NDUFB5: variants seen among roughly 807,000 people sequenced by gnomAD.
The protein encoded by NDUFB5 is NADH dehydrogenase [ubiquinone] 1 beta subcomplex subunit 5, mitochondrial.
A neutral mutation model predicts 19.4 loss-of-function variants in NDUFB5; 19 were observed. The observed-to-expected ratio is 0.98, with a 90% CI of 0.68 to 1.43. NDUFB5 has a LOEUF of 1.43. Among genes scored for constraint, NDUFB5 ranks in the 40% most tolerant of loss-of-function variants. NDUFB5 has a pLI of 0.00. For missense variants in NDUFB5, 233 were observed against 236.5 expected (o/e 0.99, Z 0.10); for synonymous variants, 80 against 82.6 (o/e 0.97, Z 0.17).
intron 1 of NDUFB5, among the ~76,000 whole-genome samples, chr3:179,605,199 TAG>T (rs1161854709): frequency 6.6e-6 from 1 of 152,198 alleles, no homozygotes; most frequent in East Asian, 1.9e-4. Flanking sequence ...AAGCTGAGTC[TAG>T]AAAGGTATAG....
Position 179,617,052 on chromosome 3 carries a change from T to G in NDUFB5, c.342+8T>G, listed in dbSNP as rs997652139. On this transcript the variant is annotated splice_region_variant and intron_variant, in intron 4 of 5. Transcript: ENST00000259037. ...CACTGGGAATATTATAAGGTTTGTA[T>G]AGGACATTGACAATTACATACTGTT... 3 of 1,596,550 alleles carry G rather than the reference T, an allele frequency of 1.9e-6. No homozygotes were observed. Among genetic ancestry groups the G allele is most frequent in the Non-Finnish European group, 2.6e-6 (3 of 1,165,760 alleles).
At chr3:179,615,093 T>C (rs1719342216) in intron 2 of NDUFB5, 34 bp downstream of exon 2, 2 of 1,457,270 alleles carry the variant, frequency 1.4e-6, no homozygotes, top group Non-Finnish European at 1.9e-6. Flanking sequence ...TTAAAGTCTT[T>C]GCATGTAACA....
chr3:179,609,351 G>A (rs950571610), intron 1 of NDUFB5, among the ~76,000 whole-genome samples: 14 of 152,162 alleles, frequency 9.2e-5, no homozygotes, highest in East Asian at 1.9e-4. Context: ...GAGAAAATAC[G>A]AAGATAGAGT....
intron 3 of NDUFB5, among the ~76,000 whole-genome samples, chr3:179,616,612 G>C (rs1014109160): frequency 6.6e-5 from 10 of 151,996 alleles, no homozygotes; most frequent in Non-Finnish European, 1.5e-4. Flanking sequence ...TTAGATTTTC[G>C]TGGGAAATTT....
At chr3:179,621,811 A>C (rs1719545978) in intron 5 of NDUFB5, among the ~76,000 whole-genome samples, 1 of 151,882 alleles carries the variant, frequency 6.6e-6, no homozygotes, top group African/African-American at 2.4e-5. Flanking sequence ...ATTTAATATC[A>C]GTGTTTTAAT....
rs1327063181 is a variant in NDUFB5 at position 179,617,020 on chromosome 3, C to A, written c.318C>A (p.Val106=). The A allele has an allele frequency of 6.2e-7, 1 of 1,612,432 alleles. No homozygotes were observed. The highest frequency in any genetic ancestry group is 8.5e-7 in the Non-Finnish European group (1 of 1,178,836). ...AELAEIPEGY[V]PEHWEYYKHP... is the part of the protein sequence containing the mutation. Reference sequence around the variant, plus strand: ...TAGCAGAAATTCCAGAAGGCTATGTCCCAGAACACTGGGAATATTATAAGG... The same window carrying A: ...TAGCAGAAATTCCAGAAGGCTATGTACCAGAACACTGGGAATATTATAAGG... Residue 106 remains valine, a synonymous_variant, in exon 4 of 6, where the codon GTC becomes GTA. Transcript: ENST00000259037.
At chr3:179,614,927 C>T (rs1350023134) in intron 1 of NDUFB5, 44 bp from the exon 2 acceptor site, 1 of 1,275,196 alleles carries the variant, frequency 7.8e-7, no homozygotes, top group Admixed American at 1.8e-5. Context: ...TAACAGTATA[C>T]CCATATGAAC....
At chr3:179,607,271 A>G (rs542165785) in intron 1 of NDUFB5, among the ~76,000 whole-genome samples, 1 of 152,268 alleles carries the variant, frequency 6.6e-6, no homozygotes, top group East Asian at 1.9e-4. Flanking sequence ...AAAGCTTTTA[A>G]TCTCTTACAT....
chr3:179,617,109 T>A, intron 4 of NDUFB5, 65 bp downstream of exon 4: 1 of 1,216,930 alleles, frequency 8.2e-7, no homozygotes, highest in African/African-American at 1.5e-5. Flanking sequence ...GTTAATGTCT[T>A]AATTCAGCAA....
In NDUFB5 at chr3:179,625,566, TAGA is replaced by T. The variant is rs1288126555; in HGVS notation, c.*1529_*1531del. On this transcript the variant is annotated 3_prime_UTR_variant, in exon 6 of 6. Transcript: ENST00000259037. The stretch of plus-strand genomic sequence containing the variant: ...TATTTCAAAATAAGATATAGCAAGT[TAGA>T]AGTATATATAAGTATATTATTATAT... The T allele has an allele frequency of 2.0e-5, 3 of 152,200 alleles. No individual in the cohort carries two copies. The highest frequency in any genetic ancestry group is 2.1e-4 in the South Asian group (1 of 4,836). The allele number at this position is 152,200 out of a possible 1,614,324, so 9.4% of individuals were successfully genotyped here.
intron 1 of NDUFB5, among the ~76,000 whole-genome samples, chr3:179,610,648 ATCCT>A (rs1719216854): frequency 6.6e-6 from 1 of 152,070 alleles, no homozygotes. Flanking sequence ...CTATAGCCTC[ATCCT>A]TCCTAAAGAT....
At chr3:179,618,308 A>C (rs1719436024) in intron 4 of NDUFB5, 107 bp from the exon 5 acceptor site, 1 of 637,146 alleles carries the variant, frequency 1.6e-6, no homozygotes, top group African/African-American at 1.9e-5. Flanking sequence ...TACATAGTAG[A>C]TGTTACTGGT....
At chr3:179,618,600 G>A in intron 5 of NDUFB5, 79 bp downstream of exon 5, 1 of 927,636 alleles carries the variant, frequency 1.1e-6, no homozygotes, top group Non-Finnish European at 1.7e-6. Flanking sequence ...ATAAAACTAT[G>A]AATATTTCAG....
intron 3 of NDUFB5, among the ~76,000 whole-genome samples, chr3:179,616,370 G>A (rs753874913): frequency 1.3e-5 from 2 of 152,020 alleles, no homozygotes; most frequent in South Asian, 4.2e-4. Flanking sequence ...GTGAAACCCC[G>A]TCTCTACTAA....
intron 5 of NDUFB5, among the ~76,000 whole-genome samples, chr3:179,621,208 G>A (rs1719525297): frequency 6.6e-6 from 1 of 151,970 alleles, no homozygotes; most frequent in South Asian, 2.1e-4. Context: ...CTCCCTAGTA[G>A]CCAAGATTAC....
At chr3:179,621,496 CT>C (rs35414472) in intron 5 of NDUFB5, among the ~76,000 whole-genome samples, 201 of 130,536 alleles carry the variant, frequency 1.5e-3, no homozygotes, top group Non-Finnish European at 1.7e-3. Flanking sequence ...TTTTCTTTTT[CT>C]TTTTTTTTTT....
rs544085200 is a variant in NDUFB5, at chr3:179,613,023, G to A, written c.125-1948G>A. On this transcript the variant is annotated intron_variant, in intron 1 of 5. Transcript: ENST00000259037. The stretch of plus-strand genomic sequence containing the variant: ...AACTAAATTTCTGGGAGTTCCAGGC[G>A]GAACTTCCACTTACCTTATTATGTT... Among the ~76,000 whole-genome samples the A allele has an allele frequency of 4.3e-4, 66 of 152,188 alleles. 1 individual carries two copies. In the South Asian group the frequency reaches 0.014, roughly 31 times the overall value.
chr3:179,606,510 A>G (rs1395732897), intron 1 of NDUFB5, among the ~76,000 whole-genome samples: 1 of 150,834 alleles, frequency 6.6e-6, no homozygotes, highest in East Asian at 2.0e-4. Context: ...GGCTAATTTT[A>G]TGTGTTTTTA....
chr3:179,617,738 G>A (rs1719420049), intron 4 of NDUFB5, among the ~76,000 whole-genome samples: 3 of 152,088 alleles, frequency 2.0e-5, no homozygotes, highest in South Asian at 2.1e-4. Flanking sequence ...CATGTAAAAT[G>A]TACTATTATT....
Sources: gnomAD v4.1 joint callset for allele counts (sites outside exome capture counted in the v4.1 genomes callset) on GRCh38, gnomAD v4.1.1 for gene constraint, MANE v1.5 for transcripts, NCBI Gene and HGNC (gene_info 2026-07-23, HGNC 2026-07-21) for gene names.